Variants in CGNL1 observed in about 807,000 individuals in gnomAD.
CGNL1 encodes the protein cingulin-like protein 1.
A neutral mutation model predicts 141.2 loss-of-function variants in CGNL1; 132 were observed. That is an observed-to-expected ratio of 0.93 (90% CI 0.81 to 1.08). The LOEUF is 1.08. Ranked by LOEUF, CGNL1 falls within the 50% of genes least tolerant of loss-of-function variation. The probability of loss-of-function intolerance (pLI) is 0.00; values close to 1 mark genes in which losing one functional copy is unlikely to be tolerated. For missense variants in CGNL1, 1,870 were observed against 1,588.6 expected (o/e 1.18, Z -3.01); for synonymous variants, 690 against 622.1 (o/e 1.11, Z -1.63).
At chr15:57,396,235 G>A (rs543173637) in intron 1 of CGNL1, among the ~76,000 whole-genome samples, 2 of 147,278 alleles carry the variant, frequency 1.4e-5, no homozygotes, top group South Asian at 2.2e-4. Flanking sequence ...GTTGTTTTTA[G>A]TTCTTGGTTG....
chr15:57,512,694 G>A (rs11630713), intron 8 of CGNL1, among the ~76,000 whole-genome samples: 19,186 of 152,100 alleles, frequency 0.13, 1,835 homozygotes, highest in East Asian at 0.46. Context: ...TAGGGTGCTA[G>A]TTAGGCCCCA....
intron 1 of CGNL1, among the ~76,000 whole-genome samples, chr15:57,428,628 T>C (rs1706364): frequency 0.04 from 6,133 of 152,186 alleles, 431 homozygotes; most frequent in African/African-American, 0.14. Context: ...AGGCAGGAGC[T>C]GCCTCCAGTA....
At chr15:57,409,553 G>A (rs566584516) in intron 1 of CGNL1, among the ~76,000 whole-genome samples, 7 of 152,198 alleles carry the variant, frequency 4.6e-5, no homozygotes, top group East Asian at 1.9e-4. Context: ...CCATGGTGTC[G>A]GGATGGAGAA....
chr15:57,539,393 G>T (rs1227973374), intron 14 of CGNL1, among the ~76,000 whole-genome samples: 1 of 151,986 alleles, frequency 6.6e-6, no homozygotes, highest in African/African-American at 2.4e-5. Context: ...TTGCTGGGTG[G>T]CTGCTCTCCT....
chr15:57,470,472 T>G (rs1372601780), intron 8 of CGNL1, among the ~76,000 whole-genome samples: 1 of 151,952 alleles, frequency 6.6e-6, no homozygotes, highest in Admixed American at 6.6e-5. Context: ...ATGAAAAAAC[T>G]CTGGGGGGCT....
chr15:57,392,590 G>C (rs896373933), intron 1 of CGNL1, among the ~76,000 whole-genome samples: 3 of 152,136 alleles, frequency 2.0e-5, no homozygotes, highest in African/African-American at 2.4e-5. Context: ...CCTTTTCCTT[G>C]AGCTCCCAGA....
chr15:57,409,482 G>C (rs762295105), intron 1 of CGNL1, among the ~76,000 whole-genome samples: 1 of 152,208 alleles, frequency 6.6e-6, no homozygotes, highest in Non-Finnish European at 1.5e-5. Flanking sequence ...GAAGACTGAG[G>C]ATCAACTTAG....
intron 8 of CGNL1, among the ~76,000 whole-genome samples, chr15:57,516,158 C>CAAAAAAAAAA (rs10559176): frequency 2.5e-4 from 18 of 73,238 alleles, no homozygotes; most frequent in East Asian, 3.8e-4. Context: ...GACTCTGTCT[C>CAAAAAAAAAA]AAAAAAAAAA....
chr15:57,388,449 T>C (rs1468761456), intron 1 of CGNL1, among the ~76,000 whole-genome samples: 1 of 152,224 alleles, frequency 6.6e-6, no homozygotes, highest in Non-Finnish European at 1.5e-5. Flanking sequence ...GTCTGGATTC[T>C]GGGCCTGGAC....
intron 8 of CGNL1, among the ~76,000 whole-genome samples, chr15:57,504,709 T>C (rs1595774462): frequency 6.6e-6 from 1 of 152,196 alleles, no homozygotes; most frequent in South Asian, 2.1e-4. Flanking sequence ...AGATCATTAA[T>C]GGGCTCTTGG....
At chr15:57,514,913 A>C (rs1026686365) in intron 8 of CGNL1, among the ~76,000 whole-genome samples, 1 of 152,190 alleles carries the variant, frequency 6.6e-6, no homozygotes, top group Non-Finnish European at 1.5e-5. Flanking sequence ...TTGGCTATAC[A>C]TGTAGGGGTT....
At chr15:57,452,377 C>A in intron 6 of CGNL1, 88 bp downstream of exon 6, 3 of 1,221,138 alleles carry the variant, frequency 2.5e-6, no homozygotes, top group Non-Finnish European at 3.4e-6. Context: ...TACTACCCAG[C>A]CTTCCAAATA....
chr15:57,416,318 C>A (rs981517476), intron 1 of CGNL1, among the ~76,000 whole-genome samples: 14 of 151,898 alleles, frequency 9.2e-5, no homozygotes, highest in African/African-American at 3.1e-4. Context: ...TGGTAACTTG[C>A]CCAAAGTCTC....
intron 8 of CGNL1, among the ~76,000 whole-genome samples, chr15:57,488,985 A>T (rs2063822349): frequency 6.6e-6 from 1 of 152,196 alleles, no homozygotes; most frequent in Admixed American, 6.5e-5. Flanking sequence ...GCCTGTCTAT[A>T]AGTGGGCCCA....
intron 1 of CGNL1, among the ~76,000 whole-genome samples, chr15:57,378,384 T>G (rs1175544244): frequency 8.6e-6 from 1 of 116,532 alleles, no homozygotes; most frequent in African/African-American, 3.2e-5. Context: ...TTTTTTTTTT[T>G]TTTTTTTTTT....
intron 4 of CGNL1, 147 bp downstream of exon 4, chr15:57,442,625 G>A: frequency 1.9e-6 from 1 of 537,264 alleles, no homozygotes. Context: ...TTTACATGTT[G>A]CAGCAACATT....
At chr15:57,462,600 T>A (rs2063461315) in intron 8 of CGNL1, among the ~76,000 whole-genome samples, 1 of 151,984 alleles carries the variant, frequency 6.6e-6, no homozygotes, top group African/African-American at 2.4e-5. Flanking sequence ...TTTCAGAGAC[T>A]CTGCAATATA....
rs187901478 is a variant in CGNL1, at chr15:57,437,754, A to C, written c.-15-231A>C. On this transcript the variant is annotated intron_variant, in intron 1 of 18. Transcript: ENST00000281282. ...TTGTCTGCCCTCAGGCCAGGGTTCAAACCCAGTGGTGACAAACTCAGTGGC... is the reference window on the plus strand; with the variant it reads ...TTGTCTGCCCTCAGGCCAGGGTTCACACCCAGTGGTGACAAACTCAGTGGC... 2.0e-5 allele frequency among the ~76,000 whole-genome samples: 3 copies of C among 152,224 alleles called. No homozygotes were observed. In the East Asian group the frequency reaches 5.8e-4, roughly 29 times the overall value.
intron 5 of CGNL1, 119 bp downstream of exon 5, chr15:57,451,720 T>A: frequency 1.4e-6 from 1 of 696,942 alleles, no homozygotes; most frequent in Non-Finnish European, 2.4e-6. Context: ...AAAGAAACAT[T>A]CCTCTAATCA....
Sources: allele counts gnomAD v4.1 joint callset (sites outside exome capture counted in the v4.1 genomes callset), GRCh38; gene constraint gnomAD v4.1.1; transcripts MANE v1.5; gene names NCBI Gene and HGNC (gene_info 2026-07-23, HGNC 2026-07-21).